Variants in NELL1 observed in about 807,000 individuals in gnomAD.
NELL1 encodes protein kinase C-binding protein NELL1.
A neutral mutation model predicts 107.4 loss-of-function variants in NELL1; 76 were observed. The observed-to-expected ratio is 0.71, with a 90% CI of 0.59 to 0.86. The LOEUF (loss-of-function observed/expected upper bound fraction) is 0.86, where lower values mean the gene tolerates loss of function less well. Among genes scored for constraint, NELL1 ranks in the 40% least tolerant of loss-of-function variants. NELL1 has a pLI of 0.00. For missense variants in NELL1, 1,024 were observed against 1,005.5 expected, an observed-to-expected ratio of 1.02 and a Z score of -0.25; for synonymous variants, 353 against 341.2, an observed-to-expected ratio of 1.03 and a Z score of -0.38.
At chr11:21,568,136 A>G (rs1857013401) in intron 17 of NELL1, among the ~76,000 whole-genome samples, 1 of 151,846 alleles carries the variant, frequency 6.6e-6, no homozygotes, top group Non-Finnish European at 1.5e-5. Context: ...CACCTAGGCT[A>G]TTTGGTATAG....
chr11:21,467,622 A>G (rs911921039), intron 15 of NELL1, among the ~76,000 whole-genome samples: 1 of 152,072 alleles, frequency 6.6e-6, no homozygotes, highest in Admixed American at 6.6e-5. Flanking sequence ...CTGAGTATGC[A>G]TTATTTTAAT....
intron 12 of NELL1, among the ~76,000 whole-genome samples, chr11:21,053,495 G>A (rs1853545513): frequency 1.3e-5 from 2 of 152,132 alleles, no homozygotes; most frequent in African/African-American, 2.4e-5. Context: ...ACAGCTTTGA[G>A]CTTTCTTCAA....
At chr11:21,467,117 T>G (rs967540723) in intron 15 of NELL1, among the ~76,000 whole-genome samples, 5 of 152,030 alleles carry the variant, frequency 3.3e-5, no homozygotes, top group African/African-American at 1.2e-4. Context: ...AGGACTTGTT[T>G]ACCAAGAGAG....
intron 5 of NELL1, among the ~76,000 whole-genome samples, chr11:20,888,018 A>T (rs375740160): frequency 2.2e-4 from 34 of 152,190 alleles, no homozygotes; most frequent in Admixed American, 2.0e-3. Flanking sequence ...AAGAATCAAA[A>T]TAATAAAGAA....
chr11:21,542,590 G>A (rs905588593), intron 16 of NELL1, among the ~76,000 whole-genome samples: 4 of 151,984 alleles, frequency 2.6e-5, no homozygotes, highest in African/African-American at 7.2e-5. Context: ...TAATGTGAAA[G>A]CACCTCAGCC....
intron 13 of NELL1, among the ~76,000 whole-genome samples, chr11:21,142,402 C>T (rs990216645): frequency 2.6e-5 from 4 of 152,168 alleles, no homozygotes; most frequent in African/African-American, 9.7e-5. Context: ...TCTCAAATTC[C>T]CTTGCTATCT....
At chr11:20,922,069 C>G (rs1325795852) in intron 7 of NELL1, among the ~76,000 whole-genome samples, 1 of 151,922 alleles carries the variant, frequency 6.6e-6, no homozygotes, top group Non-Finnish European at 1.5e-5. Flanking sequence ...TTGAGCAAGC[C>G]TCCTTCTTTT....
At chr11:21,492,919 G>A (rs1218571607) in intron 15 of NELL1, among the ~76,000 whole-genome samples, 2 of 151,616 alleles carry the variant, frequency 1.3e-5, no homozygotes, top group Non-Finnish European at 2.9e-5. Context: ...AAAGAAGTTG[G>A]CTAAGCCCAT....
chr11:21,180,074 G>T (rs1198081411), intron 13 of NELL1, among the ~76,000 whole-genome samples: 1 of 149,856 alleles, frequency 6.7e-6, no homozygotes, highest in African/African-American at 2.5e-5. Context: ...TTGGGGGCAG[G>T]GTGGGCGGGG....
intron 12 of NELL1, among the ~76,000 whole-genome samples, chr11:21,002,278 C>G (rs1852238608): frequency 1.6e-5 from 1 of 61,394 alleles, no homozygotes; most frequent in African/African-American, 1.9e-4. Flanking sequence ...CAAAGCTGAG[C>G]AAGAATATAT....
intron 15 of NELL1, among the ~76,000 whole-genome samples, chr11:21,414,688 C>T (rs1430513901): frequency 6.6e-6 from 1 of 152,028 alleles, no homozygotes; most frequent in East Asian, 1.9e-4. Flanking sequence ...ATTTTCACTG[C>T]ATCATTTGGG....
At chr11:21,040,101 C>CT (rs905118268) in intron 12 of NELL1, among the ~76,000 whole-genome samples, 6 of 150,198 alleles carry the variant, frequency 4.0e-5, no homozygotes, top group African/African-American at 4.9e-5. Flanking sequence ...TTTTTCCCGG[C>CT]TTTTTTTTTC....
rs1473788796 is a variant in NELL1 at position 21,225,573 on chromosome 11, T to C, written c.1427-3759T>C. On this transcript the variant is annotated intron_variant, in intron 13 of 19. Coordinates refer to ENST00000357134, the MANE Select transcript of NELL1 (RefSeq NM_006157.5). ...TCCCAGTATTCTTCCTTAAATACTCTGTTTGATTTGTGGTTATCTACTGGT... is the reference window on the plus strand; with the variant it reads ...TCCCAGTATTCTTCCTTAAATACTCCGTTTGATTTGTGGTTATCTACTGGT... 2.6e-5 allele frequency among the ~76,000 whole-genome samples: 4 copies of C among 152,224 alleles called. No homozygotes were observed. The East Asian group carries it at 7.7e-4, about 29-fold the overall frequency.
At chr11:20,702,807 A>G (rs1318648103) in intron 2 of NELL1, among the ~76,000 whole-genome samples, 1 of 152,150 alleles carries the variant, frequency 6.6e-6, no homozygotes, top group Non-Finnish European at 1.5e-5. Flanking sequence ...ATGATGGATT[A>G]CGTTTATTGA....
intron 15 of NELL1, among the ~76,000 whole-genome samples, chr11:21,496,226 G>A (rs901608403): frequency 2.6e-5 from 4 of 151,860 alleles, no homozygotes; most frequent in African/African-American, 9.7e-5. Context: ...TTAGAAGCCA[G>A]TTACCACATA....
At chr11:20,684,437 C>A (rs12785340) in intron 2 of NELL1, among the ~76,000 whole-genome samples, 15,281 of 152,054 alleles carry the variant, frequency 0.1, 909 homozygotes, top group Non-Finnish European at 0.13. Flanking sequence ...GTAGCTTTAA[C>A]TCTGTAAGTT....
chr11:21,257,927 C>G (rs1482231928), intron 14 of NELL1, among the ~76,000 whole-genome samples: 1 of 152,004 alleles, frequency 6.6e-6, no homozygotes, highest in Non-Finnish European at 1.5e-5. Flanking sequence ...CTCCTAGTCT[C>G]TTTTCCTCAA....
At chr11:21,289,349 A>C (rs879884433) in intron 14 of NELL1, among the ~76,000 whole-genome samples, 3 of 152,218 alleles carry the variant, frequency 2.0e-5, no homozygotes, top group Non-Finnish European at 2.9e-5. Flanking sequence ...CAGTGGGTGC[A>C]GCCCACGGAG....
chr11:21,108,635 C>T (rs1855027664), intron 12 of NELL1, among the ~76,000 whole-genome samples: 1 of 152,112 alleles, frequency 6.6e-6, no homozygotes, highest in Non-Finnish European at 1.5e-5. Flanking sequence ...CTCTTTGTTA[C>T]TCTTTTCTAA....
Sources: allele counts gnomAD v4.1 joint callset (sites outside exome capture counted in the v4.1 genomes callset), GRCh38; gene constraint gnomAD v4.1.1; transcripts MANE v1.5; gene names NCBI Gene and HGNC (gene_info 2026-07-23, HGNC 2026-07-21).